Variants in ZYG11B observed in about 807,000 individuals in gnomAD.
ZYG11B encodes protein zyg-11 homolog B.
A neutral mutation model predicts 82.4 loss-of-function variants in ZYG11B; 36 were observed. The observed-to-expected ratio is 0.44, with a 90% CI of 0.33 to 0.58. The LOEUF (loss-of-function observed/expected upper bound fraction) is 0.58. ZYG11B is among the 20% of genes least tolerant of loss of function. The probability of loss-of-function intolerance (pLI) is 0.02; values close to 1 mark genes in which losing one functional copy is unlikely to be tolerated. For synonymous variants in ZYG11B, 303 were observed against 312.8 expected, an observed-to-expected ratio of 0.97 and a Z score of 0.33; for missense variants, 552 against 895.6, an observed-to-expected ratio of 0.62 and a Z score of 4.90.
At chr1:52,726,751 C>T in intron 1 of ZYG11B, 68 bp downstream of exon 1, 1 of 1,404,484 alleles carries the variant, frequency 7.1e-7, no homozygotes, top group Non-Finnish European at 9.3e-7. Context: ...CGCGCTGGCC[C>T]CTGCGGTCTT....
intron 12 of ZYG11B, among the ~76,000 whole-genome samples, chr1:52,815,759 C>T (rs529392793): frequency 6.6e-6 from 1 of 152,046 alleles, no homozygotes; most frequent in Admixed American, 6.6e-5. Flanking sequence ...GTGGTGAAAC[C>T]CCGTCTCTAC....
At chr1:52,735,100 G>A (rs564218749) in intron 1 of ZYG11B, among the ~76,000 whole-genome samples, 3 of 149,468 alleles carry the variant, frequency 2.0e-5, no homozygotes, top group Non-Finnish European at 4.4e-5. Flanking sequence ...GCGCGATCTC[G>A]GCTCACCGCA....
At chr1:52,817,578 G>A (rs993397242) in intron 13 of ZYG11B, among the ~76,000 whole-genome samples, 1 of 150,260 alleles carries the variant, frequency 6.7e-6, no homozygotes, top group African/African-American at 2.4e-5. Context: ...TAGAGATGGG[G>A]TTTCATCATG....
intron 2 of ZYG11B, among the ~76,000 whole-genome samples, chr1:52,759,104 GTAT>G (rs1453797812): frequency 1.3e-5 from 2 of 152,024 alleles, no homozygotes; most frequent in Admixed American, 6.6e-5. Flanking sequence ...GCTAATTTTT[GTAT>G]TTTTAGTAGA....
Position 52,796,732 on chromosome 1 carries a change from A to G in ZYG11B, c.1435-2A>G. 1 of 1,597,230 alleles carries G rather than the reference A, an allele frequency of 6.3e-7. No homozygotes were observed. Among genetic ancestry groups the G allele is most frequent in the Non-Finnish European group, 8.5e-7 (1 of 1,173,988 alleles). ...TTGAATTTGTTTTTTACTTGCTTGCAGCTTTCTACAGAACAAACTGCACAG... is the reference window on the plus strand; with the variant it reads ...TTGAATTTGTTTTTTACTTGCTTGCGGCTTTCTACAGAACAAACTGCACAG... On this transcript the variant is annotated splice_acceptor_variant, in intron 7 of 13. Transcript: ENST00000294353. LOFTEE classifies it high-confidence loss of function.
chr1:52,805,471 G>A (rs1054717523), intron 10 of ZYG11B: 5 of 455,564 alleles, frequency 1.1e-5, no homozygotes, highest in African/African-American at 1.0e-4. Context: ...GTTTTTTCAG[G>A]GTTAATATGA....
intron 6 of ZYG11B, among the ~76,000 whole-genome samples, chr1:52,793,887 C>CCTTCCTTCCTTCCTTCCTTCCTTA (rs1553261678): frequency 1.2e-3 from 167 of 144,956 alleles, no homozygotes; most frequent in Non-Finnish European, 2.0e-3. Context: ...TTCCTTCCTT[C>CCTTCCTTCCTTCCTTCCTTCCTTA]CTTCCTTCCT....
rs752443490 is a variant in ZYG11B at position 52,771,507 on chromosome 1, G to A, written c.684G>A (p.Gln228=). The A allele has an allele frequency of 6.8e-6, 11 of 1,613,756 alleles. No individual in the cohort carries two copies. In the South Asian group the frequency reaches 1.1e-4, roughly 16 times the overall value. Residue 228 remains glutamine, a synonymous_variant, in exon 3 of 14, where the codon CAG becomes CAA. Transcript: ENST00000294353. This position sits in a 1 kb window ranked among gnomAD's most constrained non-coding sequence, Gnocchi z 5.4. ...AATGTTTAAAAATGACAACTACCCAGATACTGGATGTAGTTCGGGAACTCA... is the reference window on the plus strand; with the variant it reads ...AATGTTTAAAAATGACAACTACCCAAATACTGGATGTAGTTCGGGAACTCA... ...HLKCLKMTTT[Q]ILDVVRELKH...
intron 2 of ZYG11B, among the ~76,000 whole-genome samples, chr1:52,762,535 ATCT>A (rs1218636043): frequency 2.6e-5 from 4 of 151,004 alleles, no homozygotes; most frequent in Admixed American, 6.6e-5. Context: ...TGTTCATAAA[ATCT>A]TCTCAGATGA....
intron 2 of ZYG11B, among the ~76,000 whole-genome samples, chr1:52,763,610 G>A (rs999757916): frequency 2.0e-5 from 3 of 151,912 alleles, no homozygotes; most frequent in Admixed American, 1.3e-4. Context: ...ATGAACCACC[G>A]CACTCAGCCA....
In ZYG11B at chr1:52,821,441, T is replaced by C; in HGVS notation, c.2047T>C (p.Ser683Pro). 6.5e-7 allele frequency: 1 copy of C among 1,530,878 alleles called. No individual in the cohort carries two copies. Among genetic ancestry groups the C allele is most frequent in the Non-Finnish European group, 8.8e-7 (1 of 1,133,430 alleles). The allele number at this position is 1,530,878 out of a possible 1,614,324, so 94.8% of individuals were successfully genotyped here. A position where few individuals can be genotyped will look rare whatever the true frequency, so the allele number is the denominator to read the frequency against. The change falls in exon 14 of 14, where the codon TCA (serine) becomes CCA (proline). Residue 683 changes from serine (S) to proline (P), a missense_variant and splice_region_variant. Coordinates refer to ENST00000294353, the MANE Select transcript of ZYG11B (RefSeq NM_024646.3). The part of the protein sequence containing the change: ...AMQHVCSKNP[S>P]RYCSMLIEEG... Reference sequence around the variant, plus strand: ...GTGTGTTTTTTTTTCTTTTTCAGCTTCAAGGTATTGCAGCATGCTGATTGA... The same window carrying C: ...GTGTGTTTTTTTTTCTTTTTCAGCTCCAAGGTATTGCAGCATGCTGATTGA...
At chr1:52,797,170 T>A (rs1295438141) in intron 8 of ZYG11B, among the ~76,000 whole-genome samples, 1 of 62,816 alleles carries the variant, frequency 1.6e-5, no homozygotes, top group South Asian at 4.6e-4. Flanking sequence ...ATATTATATA[T>A]TATATATATT....
At chr1:52,756,007 C>A (rs1275371830) in intron 1 of ZYG11B, among the ~76,000 whole-genome samples, 1 of 151,408 alleles carries the variant, frequency 6.6e-6, no homozygotes, top group East Asian at 2.0e-4. Context: ...GCCATGTTGG[C>A]CAGGCTGGTC....
At chr1:52,797,204 A>G (rs1645026513) in intron 8 of ZYG11B, among the ~76,000 whole-genome samples, 1 of 79,380 alleles carries the variant, frequency 1.3e-5, no homozygotes, top group South Asian at 3.5e-4. Flanking sequence ...TAAATTATTT[A>G]TATATAATAT....
chr1:52,814,708 C>CAA (rs1255710587), intron 12 of ZYG11B, among the ~76,000 whole-genome samples: 2 of 149,878 alleles, frequency 1.3e-5, no homozygotes, highest in East Asian at 3.9e-4. Flanking sequence ...TGTAAATACA[C>CAA]ACACACACAC....
intron 3 of ZYG11B, among the ~76,000 whole-genome samples, chr1:52,773,238 C>T (rs1256914355): frequency 3.3e-5 from 5 of 151,854 alleles, no homozygotes; most frequent in Admixed American, 1.3e-4. Flanking sequence ...CTTTGGGAGG[C>T]AGAGGTGGGC....
rs1644840632 is a variant in ZYG11B at position 52,779,836 on chromosome 1, T to G, written c.952-17T>G. 1.2e-6 allele frequency: 2 copies of G among 1,610,360 alleles called. No homozygotes were observed. The highest frequency in any genetic ancestry group is 2.2e-5 in the South Asian group (2 of 90,152). ...AAAGAGAGAGAATTCTAAAAGCTAATCTGGTTATGTTCACAGGTGTCTGGG... is the reference window on the plus strand; with the variant it reads ...AAAGAGAGAGAATTCTAAAAGCTAAGCTGGTTATGTTCACAGGTGTCTGGG... On this transcript the variant is annotated splice_polypyrimidine_tract_variant and intron_variant, in intron 3 of 13. Transcript: ENST00000294353.
chr1:52,766,960 A>G (rs578206967), intron 2 of ZYG11B, among the ~76,000 whole-genome samples: 181 of 151,698 alleles, frequency 1.2e-3, no homozygotes, highest in African/African-American at 4.2e-3. Context: ...GTGAGCCCAG[A>G]TCGCGCCACT....
chr1:52,736,803 G>A (rs1317042077), intron 1 of ZYG11B, among the ~76,000 whole-genome samples: 1 of 152,016 alleles, frequency 6.6e-6, no homozygotes, highest in African/African-American at 2.4e-5. Flanking sequence ...TGGTCAGGCT[G>A]GTCTCGAACT....
Sources: allele counts gnomAD v4.1 joint callset (sites outside exome capture counted in the v4.1 genomes callset), GRCh38; gene constraint gnomAD v4.1.1; non-coding constraint Gnocchi (gnomAD v3.1); transcripts MANE v1.5; gene names NCBI Gene and HGNC (gene_info 2026-07-23, HGNC 2026-07-21).